Variants in PCBP3 observed in about 807,000 individuals in gnomAD.
PCBP3 encodes poly(rC) binding protein 3, also known as poly(rC)-binding protein 3.
In PCBP3, 25 loss-of-function variants were observed where a neutral mutation model predicts 52.7. The ratio of observed to expected loss-of-function variants is 0.47; its 90% CI spans 0.35 to 0.66. PCBP3 has a LOEUF of 0.66. PCBP3 is among the 30% of genes least tolerant of loss of function. The probability of loss-of-function intolerance (pLI) is 0.01; values close to 1 mark genes in which losing one functional copy is unlikely to be tolerated. For synonymous variants in PCBP3, 162 were observed against 183.0 expected (o/e 0.89, Z 0.93); for missense variants, 391 against 490.3 (o/e 0.80, Z 1.91).
At chr21:45,852,734 C>T (rs1008183049) in intron 5 of PCBP3, among the ~76,000 whole-genome samples, 3 of 152,202 alleles carry the variant, frequency 2.0e-5, no homozygotes, top group Non-Finnish European at 4.4e-5. Flanking sequence ...GAACACAGCC[C>T]TGCAGCCACC....
intron 2 of PCBP3, among the ~76,000 whole-genome samples, chr21:45,714,783 C>G (rs1346868198): frequency 6.6e-6 from 1 of 152,136 alleles, no homozygotes; most frequent in Non-Finnish European, 1.5e-5. Context: ...GGGGACCTTG[C>G]TCTTGGGAGT....
intron 4 of PCBP3, chr21:45,828,874 G>T (rs1224455270): frequency 2.6e-5 from 4 of 152,384 alleles, no homozygotes; most frequent in Non-Finnish European, 5.9e-5. Flanking sequence ...TCATGCCCAG[G>T]CTCCTTTGGG....
At chr21:45,654,540 G>A (rs899570909) in intron 1 of PCBP3, among the ~76,000 whole-genome samples, 4 of 151,892 alleles carry the variant, frequency 2.6e-5, no homozygotes, top group African/African-American at 9.7e-5. Flanking sequence ...AGGATTTCAC[G>A]ATGTTGGCTA....
At chr21:45,920,612 G>A (rs2074308164) in intron 13 of PCBP3, among the ~76,000 whole-genome samples, 2 of 152,206 alleles carry the variant, frequency 1.3e-5, no homozygotes, top group Admixed American at 1.3e-4. Flanking sequence ...GGGGTCCCAG[G>A]GCTGGGGAGT....
At chr21:45,813,393 T>G (rs1283773608) in intron 4 of PCBP3, among the ~76,000 whole-genome samples, 2 of 152,220 alleles carry the variant, frequency 1.3e-5, no homozygotes, top group African/African-American at 4.8e-5. Context: ...CTTTTCTTCC[T>G]TAGATCTTCT....
intron 4 of PCBP3, among the ~76,000 whole-genome samples, chr21:45,842,159 G>T (rs1418096558): frequency 6.6e-6 from 1 of 152,166 alleles, no homozygotes; most frequent in Non-Finnish European, 1.5e-5. Flanking sequence ...GAGGACTTAG[G>T]CCCTTCAGTA....
rs983612211 is a variant in PCBP3 at position 45,912,293 on chromosome 21, C to T, written c.600+1263C>T. 2.6e-5 allele frequency among the ~76,000 whole-genome samples: 4 copies of T among 152,350 alleles called. No individual in the cohort carries two copies. The South Asian group carries it at 8.3e-4, about 32-fold the overall frequency. ...GTGAAGATGGCCAGGCAGCTGCTCT[C>T]ACTCCCGCTGGCTGTGCTGCATCCC... On this transcript the variant is annotated intron_variant, in intron 11 of 17. Transcript: ENST00000681687.
In PCBP3 at chr21:45,916,908, C is replaced by G. The variant is rs190597806; in HGVS notation, c.676-680C>G. ...GCAGGTGGGGCCTCTCTCACCTGCC[C>G]GGATTTCAGAGTCAGGGTGGGTGGG... On this transcript the variant is annotated intron_variant, in intron 12 of 17. Coordinates refer to ENST00000681687, the MANE Select transcript of PCBP3 (RefSeq NM_001384156.1). 874 of 152,338 alleles carry G rather than the reference C, an allele frequency of 5.7e-3. 5 individuals carry two copies. Among genetic ancestry groups the G allele is most frequent in the Non-Finnish European group, 8.8e-3 (596 of 68,072 alleles). 9.4% of individuals were successfully genotyped at this position (152,338 alleles called of 1,614,324 possible).
At chr21:45,774,117 T>G (rs1222954048) in intron 4 of PCBP3, among the ~76,000 whole-genome samples, 1 of 152,052 alleles carries the variant, frequency 6.6e-6, no homozygotes, top group African/African-American at 2.4e-5. Flanking sequence ...TCTAAAAGTT[T>G]TATGGGGCCG....
chr21:45,782,121 A>G (rs908610403), intron 4 of PCBP3, among the ~76,000 whole-genome samples: 1 of 152,142 alleles, frequency 6.6e-6, no homozygotes, highest in East Asian at 1.9e-4. Context: ...AGTCTCAATT[A>G]TTTTTTAACC....
At chr21:45,647,062 T>TAA (rs60171120) in intron 1 of PCBP3, among the ~76,000 whole-genome samples, 1 of 150,548 alleles carries the variant, frequency 6.6e-6, no homozygotes, top group African/African-American at 2.4e-5. Context: ...AGGTTAGCAG[T>TAA]AAAAAAAAAA....
At chr21:45,698,577 T>A (rs1276817847) in intron 2 of PCBP3, among the ~76,000 whole-genome samples, 1 of 152,164 alleles carries the variant, frequency 6.6e-6, no homozygotes, top group Admixed American at 6.5e-5. Context: ...CTACGTGAGG[T>A]CTCTGGTCTG....
chr21:45,787,801 G>A (rs914257328), intron 4 of PCBP3, among the ~76,000 whole-genome samples: 2 of 152,172 alleles, frequency 1.3e-5, no homozygotes, highest in Non-Finnish European at 2.9e-5. Context: ...CACCTTTGAC[G>A]CTTCACAAAT....
chr21:45,818,643 A>G (rs944141161), intron 4 of PCBP3, among the ~76,000 whole-genome samples: 3 of 152,248 alleles, frequency 2.0e-5, no homozygotes, highest in African/African-American at 4.8e-5. Flanking sequence ...CGTGAGATCT[A>G]TTAGTCATGC....
chr21:45,939,208 A>G (rs1159090818), intron 16 of PCBP3, among the ~76,000 whole-genome samples: 4 of 152,182 alleles, frequency 2.6e-5, no homozygotes, highest in African/African-American at 9.7e-5. Flanking sequence ...TTTCCTGTCC[A>G]AGCTCCAGAG....
chr21:45,935,374 C>A, intron 16 of PCBP3, 69 bp downstream of exon 16: 1 of 1,193,126 alleles, frequency 8.4e-7, no homozygotes, highest in Non-Finnish European at 1.2e-6. Flanking sequence ...GTCAGCTCTG[C>A]TGTCCTTTGG....
intron 6 of PCBP3, among the ~76,000 whole-genome samples, chr21:45,899,214 A>T (rs2095953162): frequency 6.6e-6 from 1 of 152,268 alleles, no homozygotes. Context: ...GTTTTCTTTA[A>T]GTCACACAAT....
At chr21:45,719,433 T>C (rs981477340) in intron 2 of PCBP3, among the ~76,000 whole-genome samples, 1 of 152,156 alleles carries the variant, frequency 6.6e-6, no homozygotes, top group Non-Finnish European at 1.5e-5. Flanking sequence ...CTCCAAGACA[T>C]ACTGATATGG....
chr21:45,891,758 TAA>T (rs781132046), intron 5 of PCBP3, among the ~76,000 whole-genome samples: 2 of 152,198 alleles, frequency 1.3e-5, no homozygotes, highest in Admixed American at 6.5e-5. Flanking sequence ...CACGCAAGGT[TAA>T]ACGGTGAGTC....
Sources: gnomAD v4.1 joint callset for allele counts (sites outside exome capture counted in the v4.1 genomes callset) on GRCh38, gnomAD v4.1.1 for gene constraint, MANE v1.5 for transcripts, NCBI Gene and HGNC (gene_info 2026-07-23, HGNC 2026-07-21) for gene names.